The following ANKRD6 variants were observed in gnomAD, a reference collection of about 807,000 sequenced individuals.
ANKRD6 encodes the protein ankyrin repeat domain 6.
In ANKRD6, 56 loss-of-function variants were observed where a neutral mutation model predicts 82.3. The observed-to-expected ratio is 0.68, with a 90% confidence interval of 0.55 to 0.85. The LOEUF is 0.85. Among genes scored for constraint, ANKRD6 ranks in the 40% least tolerant of loss-of-function variants. The pLI, the probability that ANKRD6 is intolerant of heterozygous loss-of-function variation, is 0.00. For missense variants in ANKRD6, 852 were observed against 907.6 expected (o/e 0.94, Z 0.79); for synonymous variants, 347 against 352.1 (o/e 0.99, Z 0.16).
rs1273227968 is a variant in ANKRD6 at position 89,591,151 on chromosome 6, T to G, written c.121-4765T>G. On this transcript the variant is annotated intron_variant, in intron 2 of 15. Transcript: ENST00000339746. ...GAAGGTCTTATTCTGTTGCCCAGAC[T>G]GAAGTGCAATGGTGCGATCACAGCT... is the stretch of plus-strand genomic sequence containing the variant. Among the ~76,000 whole-genome samples the G allele has an allele frequency of 2.0e-5, 3 of 152,208 alleles. No homozygotes were observed. In the South Asian group the frequency reaches 6.2e-4, roughly 31 times the overall value.
chr6:89,554,975 C>T (rs1373882992), intron 1 of ANKRD6, among the ~76,000 whole-genome samples: 2 of 151,888 alleles, frequency 1.3e-5, no homozygotes, highest in Non-Finnish European at 2.9e-5. Flanking sequence ...TCACATTCCC[C>T]CATTCTGCAT....
In ANKRD6 at chr6:89,630,458, A is replaced by C. The variant is rs1404130197; in HGVS notation, c.1638A>C (p.Ala546=). 6.2e-7 allele frequency: 1 copy of C among 1,613,186 alleles called. No homozygotes were observed. The highest frequency in any genetic ancestry group is 2.2e-5 in the East Asian group (1 of 44,898). The part of the protein sequence containing the change: ...STGVDQLVVT[A]GPAAASDSSP... Reference sequence around the variant, plus strand: ...GTGTGGACCAATTAGTGGTGACTGCAGGTCCAGCAGCAGCTTCCGACAGCT... The same window carrying C: ...GTGTGGACCAATTAGTGGTGACTGCCGGTCCAGCAGCAGCTTCCGACAGCT... The change falls in exon 16 of 16, where the codon GCA becomes GCC. Residue 546 remains alanine (A), a synonymous_variant. Transcript: ENST00000339746.
intron 1 of ANKRD6, among the ~76,000 whole-genome samples, chr6:89,530,673 C>T (rs1042250391): frequency 6.6e-6 from 1 of 152,194 alleles, no homozygotes; most frequent in African/African-American, 2.4e-5. Context: ...TGGGGCCAGT[C>T]AGGGCCAGCA....
chr6:89,567,012 G>A lies in ANKRD6; in HGVS notation c.36G>A (p.Glu12=), dbSNP rs1012074603. ...SQQDAVAALS[E]RLLVAAYKGQ... is the part of the protein sequence containing the mutation. Reference sequence around the variant, plus strand: ...AAGATGCGGTCGCTGCACTTTCAGAGCGCCTTCTCGTAGCTGCGTACAAAG... The same window carrying A: ...AAGATGCGGTCGCTGCACTTTCAGAACGCCTTCTCGTAGCTGCGTACAAAG... The change falls in exon 2 of 16, where the codon GAG becomes GAA. Residue 12 remains glutamate, a synonymous_variant. Transcript: ENST00000339746. 1 of 1,604,316 alleles carries A rather than the reference G, an allele frequency of 6.2e-7. No homozygotes were observed. Among genetic ancestry groups the A allele is most frequent in the Non-Finnish European group, 8.5e-7 (1 of 1,175,280 alleles).
At chr6:89,611,263 G>T (rs1316148875) in intron 5 of ANKRD6, among the ~76,000 whole-genome samples, 3 of 152,032 alleles carry the variant, frequency 2.0e-5, no homozygotes, top group Non-Finnish European at 4.4e-5. Context: ...ATCCAGAAGG[G>T]TGTGAACTAG....
intron 2 of ANKRD6, among the ~76,000 whole-genome samples, chr6:89,571,533 T>C (rs777830601): frequency 6.6e-6 from 1 of 152,220 alleles, no homozygotes; most frequent in Non-Finnish European, 1.5e-5. Context: ...AAGAGTTCTT[T>C]ATATATTCTA....
rs1770175944 is a variant in ANKRD6, at chr6:89,433,254, C to G, written c.-265C>G. ...GGGCGGCTGGAGGCACGGCGCTGGG[C>G]GGCGCCGAGGCCCTGGGGCCGCCGG... On this transcript the variant is annotated 5_prime_UTR_variant, in exon 1 of 16. Coordinates refer to ENST00000339746, the MANE Select transcript of ANKRD6 (RefSeq NM_001242809.2). The surrounding 1 kb of genome is among the most constrained non-coding windows in gnomAD (Gnocchi z 4.3). The G allele has an allele frequency of 6.6e-6, 1 of 151,784 alleles. No homozygotes were observed. The highest frequency in any genetic ancestry group is 6.6e-5 in the Admixed American group (1 of 15,212). 9.4% of individuals were successfully genotyped at this position (151,784 alleles called of 1,614,324 possible). A position where few individuals can be genotyped will look rare whatever the true frequency, so the allele number is the denominator to read the frequency against.
intron 1 of ANKRD6, among the ~76,000 whole-genome samples, chr6:89,460,492 A>G (rs1279871479): frequency 1.3e-5 from 2 of 152,076 alleles, no homozygotes; most frequent in African/African-American, 4.8e-5. Context: ...GCTGGAGTGC[A>G]ATGGCGCAAT....
At chr6:89,448,449 A>G (rs1034170571) in intron 1 of ANKRD6, among the ~76,000 whole-genome samples, 3 of 151,228 alleles carry the variant, frequency 2.0e-5, no homozygotes, top group African/African-American at 7.3e-5. Flanking sequence ...AAAAAAAAAA[A>G]GAATTATACT....
intron 1 of ANKRD6, among the ~76,000 whole-genome samples, chr6:89,512,931 T>C (rs1780732138): frequency 6.6e-6 from 1 of 152,094 alleles, no homozygotes; most frequent in African/African-American, 2.4e-5. Context: ...TCTTTTTCTC[T>C]CTTTTTTTTA....
At chr6:89,543,075 G>A (rs1784620347) in intron 1 of ANKRD6, among the ~76,000 whole-genome samples, 1 of 152,192 alleles carries the variant, frequency 6.6e-6, no homozygotes, top group South Asian at 2.1e-4. Context: ...CAGCCTGCCT[G>A]ATAGCAGATA....
At chr6:89,564,535 A>G in intron 1 of ANKRD6, among the ~76,000 whole-genome samples, 1 of 152,088 alleles carries the variant, frequency 6.6e-6, no homozygotes, top group East Asian at 1.9e-4. Flanking sequence ...AATTCATTGC[A>G]TGGGACTGGA....
chr6:89,460,909 C>CTTTTTTT (rs143153320), intron 1 of ANKRD6, among the ~76,000 whole-genome samples: 1 of 135,898 alleles, frequency 7.4e-6, no homozygotes, highest in Admixed American at 7.9e-5. Context: ...TTTTGGAATT[C>CTTTTTTT]TTTTTTTTTG....
chr6:89,440,185 A>G (rs1771191292), intron 1 of ANKRD6, among the ~76,000 whole-genome samples: 1 of 152,202 alleles, frequency 6.6e-6, no homozygotes, highest in Non-Finnish European at 1.5e-5. Context: ...ATGGGAGAAA[A>G]TTCAGGGAAA....
At chr6:89,463,340 A>G (rs1476216473) in intron 1 of ANKRD6, among the ~76,000 whole-genome samples, 1 of 152,118 alleles carries the variant, frequency 6.6e-6, no homozygotes, top group East Asian at 1.9e-4. Flanking sequence ...CTGGTTTCCT[A>G]TTATTAGACA....
At chr6:89,489,764 G>A (rs1777806310) in intron 1 of ANKRD6, among the ~76,000 whole-genome samples, 2 of 152,340 alleles carry the variant, frequency 1.3e-5, no homozygotes, top group South Asian at 2.1e-4. Flanking sequence ...GGAGGAGGCC[G>A]CAGGGCAGGC....
At chr6:89,597,539 C>T (rs1796182979) in intron 3 of ANKRD6, among the ~76,000 whole-genome samples, 1 of 152,198 alleles carries the variant, frequency 6.6e-6, no homozygotes, top group Non-Finnish European at 1.5e-5. Flanking sequence ...CTCTAAGTAT[C>T]ACTGTGTTCT....
At chr6:89,491,512 A>G (rs896861367) in intron 1 of ANKRD6, among the ~76,000 whole-genome samples, 4 of 152,142 alleles carry the variant, frequency 2.6e-5, no homozygotes, top group African/African-American at 7.2e-5. Context: ...GCTGGAAACC[A>G]TCATTCTCAG....
intron 2 of ANKRD6, among the ~76,000 whole-genome samples, chr6:89,588,147 T>A (rs1372171853): frequency 7.4e-6 from 1 of 134,812 alleles, no homozygotes; most frequent in Non-Finnish European, 1.6e-5. Context: ...CTTTTTAAAA[T>A]CTAAACGAGG....
Sources: gnomAD v4.1 joint callset for allele counts (sites outside exome capture counted in the v4.1 genomes callset) on GRCh38, gnomAD v4.1.1 for gene constraint, Gnocchi (gnomAD v3.1) non-coding constraint, MANE v1.5 for transcripts, NCBI Gene and HGNC (gene_info 2026-07-23, HGNC 2026-07-21) for gene names.